GOLM1: variants seen among roughly 807,000 people sequenced by gnomAD.
GOLM1 encodes golgi membrane protein 1.
A neutral mutation model predicts 50.5 loss-of-function variants in GOLM1; 31 were observed. That is an observed-to-expected ratio of 0.61 (90% CI 0.46 to 0.83). The LOEUF (loss-of-function observed/expected upper bound fraction) is 0.83. GOLM1 is among the 40% of genes least tolerant of loss of function. The probability of loss-of-function intolerance (pLI) is 0.00; values close to 1 mark genes in which losing one functional copy is unlikely to be tolerated. For synonymous variants in GOLM1, 178 were observed against 192.8 expected (o/e 0.92, Z 0.64); for missense variants, 491 against 501.3 (o/e 0.98, Z 0.20).
intron 3 of GOLM1, among the ~76,000 whole-genome samples, chr9:86,059,410 G>C (rs1442338555): frequency 6.6e-6 from 1 of 152,194 alleles, no homozygotes; most frequent in Non-Finnish European, 1.5e-5. Flanking sequence ...ATGAGGCTTG[G>C]AAACATTACA....
intron 1 of GOLM1, among the ~76,000 whole-genome samples, chr9:86,088,566 GGTTTT>G (rs1326663513): frequency 4.2e-5 from 3 of 71,146 alleles, no homozygotes; most frequent in Admixed American, 1.2e-4. Flanking sequence ...TGCAACTCCT[GGTTTT>G]GTTTTTTTTT....
chr9:86,031,107 G>A (rs1377600531), intron 9 of GOLM1, among the ~76,000 whole-genome samples: 1 of 152,072 alleles, frequency 6.6e-6, no homozygotes, highest in African/African-American at 2.4e-5. Context: ...CTGCTCGGGA[G>A]GCTGAAGCAG....
rs111598121 is a variant in GOLM1, at chr9:86,089,535, C to T, written c.-22+9876G>A. Among the ~76,000 whole-genome samples the T allele has an allele frequency of 7.3e-3, 1,105 of 152,050 alleles. 10 individuals are homozygous for T. Among genetic ancestry groups the T allele is most frequent in the African/African-American group, 0.023 (962 of 41,432 alleles). On this transcript the variant is annotated intron_variant, in intron 1 of 9. Transcript: ENST00000388712. ...CTTCGACCTCTGATATCCTTTCTTC[C>T]GCTTGACCGATTTGGCTATTGATAC...
At chr9:86,056,706 A>G (rs1346854741) in intron 3 of GOLM1, among the ~76,000 whole-genome samples, 1 of 151,838 alleles carries the variant, frequency 6.6e-6, no homozygotes, top group Non-Finnish European at 1.5e-5. Flanking sequence ...GGGTTTCACC[A>G]TGTTGGCCAG....
intron 1 of GOLM1, among the ~76,000 whole-genome samples, chr9:86,080,651 G>C (rs1437139107): frequency 6.6e-6 from 1 of 152,088 alleles, no homozygotes; most frequent in African/African-American, 2.4e-5. Context: ...ACTAGTATGG[G>C]GGCCTGCCAG....
At chr9:86,071,106 C>CACACACACACAT (rs1554673928) in intron 3 of GOLM1, among the ~76,000 whole-genome samples, 6 of 146,604 alleles carry the variant, frequency 4.1e-5, no homozygotes, top group African/African-American at 1.5e-4. Context: ...CACACACACA[C>CACACACACACAT]GTATATTTAG....
Position 86,035,467 on chromosome 9 carries a change from G to A in GOLM1, c.916C>T (p.Leu306=). 2 of 1,613,780 alleles carry A rather than the reference G, an allele frequency of 1.2e-6. No individual in the cohort carries two copies. Among genetic ancestry groups the A allele is most frequent in the South Asian group, 1.1e-5 (1 of 91,068 alleles). Residue 306 remains leucine, a synonymous_variant, in exon 8 of 10, where the codon CTG becomes TTG. Transcript: ENST00000388712. ...LGQTPQVQAA[L]SVSQENPEME... ...TCTGGATTTTCCTGGCTCACTGACA[G>A]GGCAGCCTGCACCTGTGGGGTCTGG...
intron 4 of GOLM1, among the ~76,000 whole-genome samples, chr9:86,048,312 T>G (rs566095077): frequency 6.8e-6 from 1 of 147,836 alleles, no homozygotes; most frequent in East Asian, 1.9e-4. Context: ...TTTACTATTG[T>G]GAATAGTGCC....
intron 1 of GOLM1, among the ~76,000 whole-genome samples, chr9:86,085,417 T>C (rs2118876378): frequency 1.3e-5 from 2 of 151,866 alleles, no homozygotes; most frequent in African/African-American, 4.8e-5. Context: ...TTTTCATCTA[T>C]TCTTTTACTT....
At chr9:86,059,082 C>T (rs72746694) in intron 3 of GOLM1, among the ~76,000 whole-genome samples, 14,428 of 152,060 alleles carry the variant, frequency 0.095, 731 homozygotes, top group South Asian at 0.13. Context: ...CTAGAACCCC[C>T]CCCCAATACA....
chr9:86,033,509 G>T, intron 8 of GOLM1, 114 bp from the exon 9 acceptor site: 3 of 668,534 alleles, frequency 4.5e-6, no homozygotes, highest in Non-Finnish European at 8.0e-6. Context: ...AGATCTGTCT[G>T]CTGCCTCTCT....
chr9:86,059,248 C>T (rs1834082609), intron 3 of GOLM1, among the ~76,000 whole-genome samples: 2 of 152,174 alleles, frequency 1.3e-5, no homozygotes, highest in Non-Finnish European at 2.9e-5. Flanking sequence ...TCCACAAATG[C>T]TCACAGCAGA....
At chr9:86,046,601 G>T in intron 4 of GOLM1, 29 bp from the exon 5 acceptor site, 1 of 1,389,946 alleles carries the variant, frequency 7.2e-7, no homozygotes, top group Non-Finnish European at 1.0e-6. Context: ...GAATTGCACA[G>T]GTCACCGGCA....
chr9:86,080,169 ACTGC>A (rs1233506554), intron 1 of GOLM1: 1 of 152,226 alleles, frequency 6.6e-6, no homozygotes, highest in African/African-American at 2.4e-5. Flanking sequence ...TATCTGTGCA[ACTGC>A]TGCATTGTAC....
intron 6 of GOLM1, 191 bp from the exon 7 acceptor site, chr9:86,036,698 G>C: frequency 3.3e-6 from 2 of 603,040 alleles, no homozygotes; most frequent in East Asian, 5.6e-5. Flanking sequence ...AAGAGGTTGA[G>C]TCAAGGTCTC....
intron 9 of GOLM1, 149 bp downstream of exon 9, chr9:86,033,133 G>C: frequency 1.6e-6 from 1 of 606,774 alleles, no homozygotes; most frequent in Non-Finnish European, 2.9e-6. Context: ...CACTGCCCCT[G>C]GTTTAAAAGC....
chr9:86,061,543 C>G (rs575081101), intron 3 of GOLM1, among the ~76,000 whole-genome samples: 11 of 152,058 alleles, frequency 7.2e-5, no homozygotes, highest in African/African-American at 2.7e-4. Flanking sequence ...GAGGGAAGAC[C>G]GGGATGGGAG....
chr9:86,026,454 C>CT lies in GOLM1; in HGVS notation c.*1362dup. ...AGTGACTGTGTGCCTGTAGTCCCAG[C>CT]TACTCGGGAGTCTGTGTGAGGCCAG... On this transcript the variant is annotated 3_prime_UTR_variant, in exon 10 of 10. Coordinates refer to ENST00000388712, the MANE Select transcript of GOLM1 (RefSeq NM_016548.4). 6.1e-6 allele frequency: 6 copies of CT among 980,808 alleles called. No homozygotes were observed. Among genetic ancestry groups the CT allele is most frequent in the Non-Finnish European group, 7.3e-6 (6 of 825,796 alleles). 60.8% of individuals were successfully genotyped at this position (980,808 alleles called of 1,614,324 possible).
chr9:86,027,437 C>T lies in GOLM1; in HGVS notation c.*380G>A. On this transcript the variant is annotated 3_prime_UTR_variant, in exon 10 of 10. Transcript: ENST00000388712. ...ACAGGACGACGGAACCCAGAGTTCTCTGTCTCTCCTTCACAGCAGATGGAC... is the reference window on the plus strand; with the variant it reads ...ACAGGACGACGGAACCCAGAGTTCTTTGTCTCTCCTTCACAGCAGATGGAC... 1 of 1,022,072 alleles carries T rather than the reference C, an allele frequency of 9.8e-7. No homozygotes were observed. The allele number at this position is 1,022,072 out of a possible 1,614,324, so 63.3% of individuals were successfully genotyped here.
Sources: gnomAD v4.1 joint callset for allele counts (sites outside exome capture counted in the v4.1 genomes callset) on GRCh38, gnomAD v4.1.1 for gene constraint, MANE v1.5 for transcripts, NCBI Gene and HGNC (gene_info 2026-07-23, HGNC 2026-07-21) for gene names.